The following ULK4 variants were observed in gnomAD, a reference collection of about 807,000 sequenced individuals.
The protein encoded by ULK4 is inactive serine/threonine-protein kinase ULK4.
In ULK4, 133 loss-of-function variants were observed where a neutral mutation model predicts 160.6. The observed-to-expected ratio is 0.83, with a 90% CI of 0.72 to 0.96. The LOEUF (loss-of-function observed/expected upper bound fraction) is 0.96. Ranked by LOEUF, ULK4 falls within the 40% of genes least tolerant of loss-of-function variation. The pLI is 0.00. For missense variants in ULK4, 1,580 were observed against 1,499.5 expected, an observed-to-expected ratio of 1.05 and a Z score of -0.89; for synonymous variants, 534 against 539.8, an observed-to-expected ratio of 0.99 and a Z score of 0.15.
intron 35 of ULK4, among the ~76,000 whole-genome samples, chr3:41,378,125 C>G (rs1404939381): frequency 6.8e-6 from 1 of 147,658 alleles, no homozygotes; most frequent in Non-Finnish European, 1.5e-5. Context: ...ATTGCAAGAA[C>G]AAAAAACCAA....
At chr3:41,419,518 G>C (rs1455010529) in intron 34 of ULK4, among the ~76,000 whole-genome samples, 2 of 152,180 alleles carry the variant, frequency 1.3e-5, no homozygotes, top group Non-Finnish European at 2.9e-5. Flanking sequence ...TGGAAAGCAA[G>C]CAGCTGAATG....
chr3:41,822,738 T>TTTTTTTTTTTC (rs2041187433), intron 18 of ULK4, among the ~76,000 whole-genome samples: 1 of 145,596 alleles, frequency 6.9e-6, no homozygotes, highest in Non-Finnish European at 1.5e-5. Context: ...TTTTTTTTTT[T>TTTTTTTTTTTC]TTTGAGACAG....
chr3:41,876,666 G>A (rs1235465620), intron 17 of ULK4, among the ~76,000 whole-genome samples: 3 of 152,188 alleles, frequency 2.0e-5, no homozygotes, highest in Non-Finnish European at 4.4e-5. Flanking sequence ...CACCAGTGAT[G>A]TAGTATACTC....
At chr3:41,675,537 C>T (rs1465272955) in intron 29 of ULK4, among the ~76,000 whole-genome samples, 2 of 152,062 alleles carry the variant, frequency 1.3e-5, no homozygotes, top group Non-Finnish European at 2.9e-5. Context: ...TTGCAGTGAG[C>T]CAGGATTGCA....
intron 29 of ULK4, among the ~76,000 whole-genome samples, chr3:41,678,370 G>T (rs1327690374): frequency 6.6e-6 from 1 of 152,062 alleles, no homozygotes; most frequent in African/African-American, 2.4e-5. Flanking sequence ...TTAAATTATT[G>T]TTCTTCCTGA....
intron 35 of ULK4, among the ~76,000 whole-genome samples, chr3:41,279,798 T>A (rs1339000706): frequency 6.6e-6 from 1 of 152,120 alleles, no homozygotes; most frequent in Non-Finnish European, 1.5e-5. Flanking sequence ...ATAATAATAT[T>A]AACCTTAAAT....
At chr3:41,953,883 A>G (rs571596874) in intron 2 of ULK4, among the ~76,000 whole-genome samples, 1 of 152,234 alleles carries the variant, frequency 6.6e-6, no homozygotes. Flanking sequence ...CCCCGACTCC[A>G]TGAAAAATAC....
At chr3:41,463,686 A>G (rs991009768) in intron 32 of ULK4, among the ~76,000 whole-genome samples, 3 of 152,210 alleles carry the variant, frequency 2.0e-5, no homozygotes, top group Non-Finnish European at 2.9e-5. Flanking sequence ...TCCATAATGC[A>G]GTCCACAAAT....
intron 15 of ULK4, 86 bp from the exon 16 acceptor site, chr3:41,895,650 G>T: frequency 1.3e-6 from 1 of 768,862 alleles, no homozygotes; most frequent in Non-Finnish European, 1.9e-6. Flanking sequence ...AAAGTTAACA[G>T]CTCAGGACTT....
At chr3:41,607,789 C>T (rs559895097) in intron 31 of ULK4, among the ~76,000 whole-genome samples, 87 of 152,292 alleles carry the variant, frequency 5.7e-4, no homozygotes, top group Non-Finnish European at 7.9e-4. Flanking sequence ...TACCCATGGG[C>T]ATACACATGG....
chr3:41,647,855 T>G (rs1048422295), intron 30 of ULK4, among the ~76,000 whole-genome samples: 2 of 152,228 alleles, frequency 1.3e-5, no homozygotes, highest in South Asian at 2.1e-4. Context: ...CCACCCAGTT[T>G]GAGCTTCCCA....
At chr3:41,850,368 A>T (rs572047365) in intron 17 of ULK4, among the ~76,000 whole-genome samples, 1 of 152,196 alleles carries the variant, frequency 6.6e-6, no homozygotes, top group South Asian at 2.1e-4. Flanking sequence ...CTAGTTCTAG[A>T]TCTCTGAGGA....
Position 41,364,474 on chromosome 3 carries a change from G to C in ULK4, c.3678+33605C>G, listed in dbSNP as rs77265777. ...TAACAGAGAACAAAACTCTTGTACT[G>C]TTTTGGCTAGCCTGTTTCACAGGTT... On this transcript the variant is annotated intron_variant, in intron 35 of 36. Transcript: ENST00000301831. Among the ~76,000 whole-genome samples, 372 of 152,236 alleles carry C rather than the reference G, an allele frequency of 2.4e-3. 1 individual carries two copies. Among genetic ancestry groups the C allele is most frequent in the East Asian group, 0.015 (77 of 5,176 alleles).
intron 35 of ULK4, among the ~76,000 whole-genome samples, chr3:41,357,195 T>A (rs959403822): frequency 2.0e-5 from 3 of 152,218 alleles, no homozygotes; most frequent in African/African-American, 4.8e-5. Flanking sequence ...ATGAAGCAGA[T>A]GTTACAATCT....
intron 30 of ULK4, among the ~76,000 whole-genome samples, chr3:41,660,107 T>C (rs371159295): frequency 2.6e-5 from 4 of 152,114 alleles, no homozygotes; most frequent in Middle Eastern, 3.2e-3. Flanking sequence ...CTGACCAACA[T>C]GGAGAAACCC....
intron 17 of ULK4, among the ~76,000 whole-genome samples, chr3:41,842,807 A>G (rs2041968516): frequency 6.6e-6 from 1 of 152,254 alleles, no homozygotes; most frequent in Non-Finnish European, 1.5e-5. Context: ...AGGCTAACAC[A>G]GGCATTACTG....
chr3:41,880,998 G>A (rs867234629), intron 17 of ULK4, among the ~76,000 whole-genome samples: 17 of 152,086 alleles, frequency 1.1e-4, no homozygotes, highest in Non-Finnish European at 1.9e-4. Context: ...TGTTCACTGA[G>A]AGTAAACCTA....
intron 30 of ULK4, among the ~76,000 whole-genome samples, chr3:41,627,282 A>G (rs1263284585): frequency 6.6e-6 from 1 of 152,176 alleles, no homozygotes; most frequent in African/African-American, 2.4e-5. Context: ...TCAGTTTTGC[A>G]GGACAAAGAC....
chr3:41,799,614 C>A (rs1307109572), intron 20 of ULK4, among the ~76,000 whole-genome samples: 4 of 152,148 alleles, frequency 2.6e-5, no homozygotes, highest in African/African-American at 9.7e-5. Flanking sequence ...GTAATTCCAG[C>A]ACTTTGGGAG....
Sources: allele counts gnomAD v4.1 joint callset (sites outside exome capture counted in the v4.1 genomes callset), GRCh38; gene constraint gnomAD v4.1.1; transcripts MANE v1.5; gene names NCBI Gene and HGNC (gene_info 2026-07-23, HGNC 2026-07-21).